CARD14: variants seen among roughly 807,000 people sequenced by gnomAD.
CARD14 encodes caspase recruitment domain family member 14.
Under a neutral mutation model 111.5 loss-of-function variants are expected in CARD14, and 107 were observed. The observed-to-expected ratio is 0.96, with a 90% confidence interval of 0.82 to 1.13. The LOEUF (loss-of-function observed/expected upper bound fraction) is 1.13, where lower values mean the gene tolerates loss of function less well. Among genes scored for constraint, CARD14 ranks in the 50% most tolerant of loss-of-function variants. The pLI is 0.00. For synonymous variants in CARD14, 617 were observed against 579.6 expected (o/e 1.06, Z -0.93); for missense variants, 1,322 against 1,362.3 (o/e 0.97, Z 0.47).
At chr17:80,177,470 C>A (rs187863944) in intron 2 of CARD14, among the ~76,000 whole-genome samples, 2 of 152,032 alleles carry the variant, frequency 1.3e-5, no homozygotes. Context: ...CCGAGGCAGG[C>A]GGATCACTTG....
At chr17:80,199,689 G>C (rs1042536119) in intron 16 of CARD14, among the ~76,000 whole-genome samples, 13 of 147,846 alleles carry the variant, frequency 8.8e-5, no homozygotes, top group African/African-American at 3.2e-4. Flanking sequence ...GACCAGCCTG[G>C]ACAACATGGT....
intron 7 of CARD14, among the ~76,000 whole-genome samples, chr17:80,187,620 G>A (rs746063999): frequency 6.6e-6 from 1 of 152,212 alleles, no homozygotes; most frequent in Non-Finnish European, 1.5e-5. Context: ...CGGGAGGGGA[G>A]AGTCCAGGTG....
At chr17:80,200,258 A>G (rs2040901332) in intron 16 of CARD14, among the ~76,000 whole-genome samples, 1 of 102,306 alleles carries the variant, frequency 9.8e-6, no homozygotes, top group Admixed American at 1.3e-4. Flanking sequence ...TTTTTTTGAG[A>G]CAGAGTCTTG....
Position 80,184,236 on chromosome 17 carries a change from G to C in CARD14, c.673G>C (p.Glu225Gln). 6.6e-7 allele frequency: 1 copy of C among 1,519,908 alleles called. No homozygotes were observed. The highest frequency in any genetic ancestry group is 8.9e-7 in the Non-Finnish European group (1 of 1,129,136). The allele number at this position is 1,519,908 out of a possible 1,614,324, so 94.2% of individuals were successfully genotyped here. Reference protein sequence around the residue: ...AASRCRSLQEELYLLKQELQR... With the variant: ...AASRCRSLQEQLYLLKQELQR... ...CTCACGCTGCCGCAGCCTGCAGGAG[G>C]AGGTAGGGGGACACCCTGCACCCCG... The change falls in exon 7 of 24, where the codon GAG becomes CAG. Residue 225 changes from glutamate to glutamine, a missense_variant and splice_region_variant. Glu to Gln is a conservative substitution (Grantham distance 29, BLOSUM62 2). Transcript: ENST00000648509.
rs5822329 is a variant in CARD14, at chr17:80,203,269, CAA to C, written c.2220-539_2220-538del. The stretch of plus-strand genomic sequence containing the variant: ...TGGGCGACAGAGTGAGACTCTGTCT[CAA>C]AAAAAAAAAAAAAGAAAAGGAAACC... On this transcript the variant is annotated intron_variant, in intron 18 of 23. Coordinates refer to ENST00000648509, the MANE Select transcript of CARD14 (RefSeq NM_001366385.1). The surrounding 1 kb of genome is among the most constrained non-coding windows in gnomAD (Gnocchi z 4.6). 42 of 109,652 alleles carry C rather than the reference CAA, an allele frequency of 3.8e-4. No homozygotes were observed. The highest frequency in any genetic ancestry group is 9.5e-4 in the Admixed American group (11 of 11,528). 6.8% of individuals were successfully genotyped at this position (109,652 alleles called of 1,614,324 possible).
At chr17:80,171,239 CTTCCTTCT>C (rs2039897963) in intron 1 of CARD14, among the ~76,000 whole-genome samples, 1 of 131,750 alleles carries the variant, frequency 7.6e-6, no homozygotes, top group African/African-American at 2.8e-5. Flanking sequence ...TCCTTCCTTC[CTTCCTTCT>C]CTCTCTCCTT....
intron 10 of CARD14, 45 bp from the exon 11 acceptor site, chr17:80,191,278 C>A: frequency 6.3e-7 from 1 of 1,592,166 alleles, no homozygotes. Context: ...CTGAGGCTCC[C>A]CGGTGGTGAT....
In CARD14 at chr17:80,198,956, TTTG is replaced by T; in HGVS notation, c.1851+371_1851+373del. 1 of 1,092,512 alleles carries T rather than the reference TTTG, an allele frequency of 9.2e-7. No individual in the cohort carries two copies. The highest frequency in any genetic ancestry group is 1.1e-6 in the Non-Finnish European group (1 of 893,916). The allele number at this position is 1,092,512 out of a possible 1,614,324, so 67.7% of individuals were successfully genotyped here. ...CATTTCTTTTCTTTCTTTTTTTTTG[TTTG>T]TTGTTTTGAAACAGGGTCTCACTCT... On this transcript the variant is annotated intron_variant, in intron 16 of 23. Coordinates refer to ENST00000648509, the MANE Select transcript of CARD14 (RefSeq NM_001366385.1). This position sits in a 1 kb window ranked among gnomAD's most constrained non-coding sequence, Gnocchi z 7.5.
chr17:80,198,841 G>C lies in CARD14; in HGVS notation c.1851+250G>C. Reference sequence around the variant, plus strand: ...CTTCTGACCAGGGGTCTTTGCATGAGGCCCCTTGACAGGGCTGCTCTGGGT... The same window carrying C: ...CTTCTGACCAGGGGTCTTTGCATGACGCCCCTTGACAGGGCTGCTCTGGGT... On this transcript the variant is annotated intron_variant, in intron 16 of 23. Transcript: ENST00000648509. The surrounding 1 kb of genome is among the most constrained non-coding windows in gnomAD (Gnocchi z 7.5). 6.8e-7 allele frequency: 1 copy of C among 1,463,782 alleles called. No homozygotes were observed. Among genetic ancestry groups the C allele is most frequent in the Non-Finnish European group, 9.0e-7 (1 of 1,112,942 alleles). The allele number at this position is 1,463,782 out of a possible 1,614,324, so 90.7% of individuals were successfully genotyped here.
Position 80,188,871 on chromosome 17 carries a change from C to G in CARD14, c.843+327C>G, listed in dbSNP as rs182642260. 377 of 172,718 alleles carry G rather than the reference C, an allele frequency of 2.2e-3. 2 individuals are homozygous for G. The highest frequency in any genetic ancestry group is 8.6e-3 in the African/African-American group (362 of 42,230). 10.7% of individuals were successfully genotyped at this position (172,718 alleles called of 1,614,324 possible). ...TTCAAGACCAGCCTGGGCAACATGG[C>G]GAGACCCCATCTCTACAAAAAATAC... On this transcript the variant is annotated intron_variant, in intron 8 of 23. Coordinates refer to ENST00000648509, the MANE Select transcript of CARD14 (RefSeq NM_001366385.1). This position sits in a 1 kb window ranked among gnomAD's most constrained non-coding sequence, Gnocchi z 4.5.
rs138616955 is a variant in CARD14 at position 80,188,497 on chromosome 17, C to T, written c.796C>T (p.Arg266Cys). 372 of 1,566,738 alleles carry T rather than the reference C, an allele frequency of 2.4e-4. No homozygotes were observed. In the African/African-American group the frequency reaches 4.1e-3, roughly 17 times the overall value. Residue 266 changes from arginine (R) to cysteine (C), a missense_variant, in exon 8 of 24, where the codon CGC becomes TGC. Physicochemically the swap from Arg to Cys is radical, Grantham distance 180 (BLOSUM62 -3). Coordinates refer to ENST00000648509, the MANE Select transcript of CARD14 (RefSeq NM_001366385.1). This position sits in a 1 kb window ranked among gnomAD's most constrained non-coding sequence, Gnocchi z 4.5. ...DQESGDEELN[R>C]LKEENEKLRS... ...GGAGTCCGGGGATGAGGAGCTGAAC[C>T]GCCTGAAGGAGGAGAATGAGAAACT...
chr17:80,178,022 C>T (rs1436871864), intron 2 of CARD14, among the ~76,000 whole-genome samples: 1 of 152,184 alleles, frequency 6.6e-6, no homozygotes, highest in East Asian at 1.9e-4. Flanking sequence ...ACTCGCAAGC[C>T]TCAATCACCT....
chr17:80,190,664 C>A, intron 9 of CARD14, 110 bp from the exon 10 acceptor site: 11 of 1,123,176 alleles, frequency 9.8e-6, no homozygotes, highest in East Asian at 2.7e-5. Context: ...GACCTTATTT[C>A]ATCCCTAGAA....
In CARD14 at chr17:80,201,020, T is replaced by C. The variant is rs991966609; in HGVS notation, c.1852-724T>C. 3.3e-5 allele frequency: 5 copies of C among 152,526 alleles called. No homozygotes were observed. The highest frequency in any genetic ancestry group is 1.2e-4 in the African/African-American group (5 of 41,438). The allele number at this position is 152,526 out of a possible 1,614,324, so 9.4% of individuals were successfully genotyped here. Reference sequence around the variant, plus strand: ...CGGGTCCTGATGGACCATGGACCAGTACCAGTATGTGGCCCAGGGGTTGGG... The same window carrying C: ...CGGGTCCTGATGGACCATGGACCAGCACCAGTATGTGGCCCAGGGGTTGGG... On this transcript the variant is annotated intron_variant, in intron 16 of 23. Coordinates refer to ENST00000648509, the MANE Select transcript of CARD14 (RefSeq NM_001366385.1). This position sits in a 1 kb window ranked among gnomAD's most constrained non-coding sequence, Gnocchi z 5.0.
In CARD14 at chr17:80,183,977, G is replaced by A; in HGVS notation, c.414G>A (p.Glu138=). The A allele has an allele frequency of 6.3e-7, 1 of 1,574,912 alleles. No homozygotes were observed. Among genetic ancestry groups the A allele is most frequent in the South Asian group, 1.2e-5 (1 of 85,030 alleles). ...LAGAIGSLQE[E]LNQEKGQKEV... ...GGGCCATCGGCAGCCTGCAGGAGGA[G>A]CTGAACCAGGAAAAGGGGCAGAAGG... Residue 138 remains glutamate (E), a synonymous_variant, in exon 7 of 24, where the codon GAG becomes GAA. Transcript: ENST00000648509.
At chr17:80,204,910 C>T in intron 20 of CARD14, 125 bp from the exon 21 acceptor site, 3 of 789,500 alleles carry the variant, frequency 3.8e-6, no homozygotes, top group Admixed American at 3.1e-5. Context: ...TGAGCCTGTG[C>T]CCCTGGAATT....
Position 80,189,162 on chromosome 17 carries a change from G to A in CARD14, c.844-591G>A, listed in dbSNP as rs150661187. On this transcript the variant is annotated intron_variant, in intron 8 of 23. Coordinates refer to ENST00000648509, the MANE Select transcript of CARD14 (RefSeq NM_001366385.1). The surrounding 1 kb of genome is among the most constrained non-coding windows in gnomAD (Gnocchi z 4.7). ...TGGCCAATTGTAAAGCATGGGATTC[G>A]CGTTAAGGATGGGGGAAAGAAACCT... Among the ~76,000 whole-genome samples, 520 of 152,242 alleles carry A rather than the reference G, an allele frequency of 3.4e-3. 1 individual carries two copies. Among genetic ancestry groups the A allele is most frequent in the African/African-American group, 0.011 (470 of 41,520 alleles).
chr17:80,172,522 C>T (rs1440568775), intron 1 of CARD14, among the ~76,000 whole-genome samples: 1 of 152,212 alleles, frequency 6.6e-6, no homozygotes, highest in Non-Finnish European at 1.5e-5. Flanking sequence ...CCACCCTCTC[C>T]ATGTGCCGCT....
chr17:80,205,282 C>T (rs2144562811), intron 21 of CARD14, 77 bp downstream of exon 21: 7 of 1,311,054 alleles, frequency 5.3e-6, no homozygotes, highest in Middle Eastern at 1.9e-4. Flanking sequence ...CTCCTTCCTC[C>T]CCTTCCTCCC....
Sources: gnomAD v4.1 joint callset for allele counts (sites outside exome capture counted in the v4.1 genomes callset) on GRCh38, gnomAD v4.1.1 for gene constraint, Gnocchi (gnomAD v3.1) non-coding constraint, MANE v1.5 for transcripts, NCBI Gene and HGNC (gene_info 2026-07-23, HGNC 2026-07-21) for gene names.